The following ZNF326 variants were observed in gnomAD, a reference collection of about 807,000 sequenced individuals.
ZNF326 encodes zinc finger protein 326.
A neutral mutation model predicts 63.1 loss-of-function variants in ZNF326; 30 were observed. The observed-to-expected ratio is 0.48, with a 90% confidence interval of 0.36 to 0.64. ZNF326 has a LOEUF of 0.64. Ranked by LOEUF, ZNF326 falls within the 30% of genes least tolerant of loss-of-function variation. ZNF326 has a pLI of 0.00. For missense variants in ZNF326, 609 were observed against 720.3 expected (o/e 0.85, Z 1.77); for synonymous variants, 194 against 228.2 (o/e 0.85, Z 1.35).
At chr1:90,022,471 C>T (rs554073815) in intron 11 of ZNF326, 126 bp downstream of exon 11, 2 of 704,094 alleles carry the variant, frequency 2.8e-6, no homozygotes, top group East Asian at 2.7e-5. Flanking sequence ...TACTCAGTAT[C>T]TTGCATATAG....
At position 90,033,009 on chromosome 1, in the gene ZNF326, CTG is replaced by C. The variant is rs1401844838; in HGVS notation, c.*5310_*5311del. On this transcript the variant is annotated 3_prime_UTR_variant, in exon 12 of 12. Transcript: ENST00000340281. Reference sequence around the variant, plus strand: ...GTCTATTTCCCAATTTTCCTTCTGACTGTTCCTTTCTCCTTCCTCACACAATT... The same window carrying C: ...GTCTATTTCCCAATTTTCCTTCTGACTTCCTTTCTCCTTCCTCACACAATT... 2 of 152,310 alleles carry C rather than the reference CTG, an allele frequency of 1.3e-5. No individual in the cohort carries two copies. Among genetic ancestry groups the C allele is most frequent in the Non-Finnish European group, 2.9e-5 (2 of 68,014 alleles). 9.4% of individuals were successfully genotyped at this position (152,310 alleles called of 1,614,324 possible).
chr1:89,995,354 A>G, intron 1 of ZNF326, 81 bp downstream of exon 1: 1 of 1,491,058 alleles, frequency 6.7e-7, no homozygotes, highest in South Asian at 1.3e-5. Flanking sequence ...CCGTCTCAAG[A>G]TGGCCGTGTG....
intron 11 of ZNF326, among the ~76,000 whole-genome samples, chr1:90,026,020 G>C (rs566921100): frequency 2.7e-4 from 41 of 150,228 alleles, no homozygotes; most frequent in Non-Finnish European, 5.6e-4. Context: ...AGGCCATGCA[G>C]TGGCGCGATC....
Position 90,010,263 on chromosome 1 carries a change from A to C in ZNF326, c.791A>C (p.Lys264Thr). Reference protein sequence around the residue: ...KKPKLAKPMEKISLSKSPTKT... With the variant: ...KKPKLAKPMETISLSKSPTKT... ...CCCAAACTAGCAAAACCTATGGAGA[A>C]GATAAGCCTCAGCAAATCACCCAGT... is the stretch of plus-strand genomic sequence containing the variant. The change falls in exon 6 of 12, where the codon AAG becomes ACG. Residue 264 changes from lysine (K) to threonine (T), a missense_variant. Transcript: ENST00000340281. The C allele has an allele frequency of 6.2e-7, 1 of 1,613,800 alleles. No individual in the cohort carries two copies. Among genetic ancestry groups the C allele is most frequent in the Non-Finnish European group, 8.5e-7 (1 of 1,179,794 alleles).
rs866008598 is a variant in ZNF326 at position 89,995,266 on chromosome 1, C to T, written c.9C>T (p.Phe3=). The T allele has an allele frequency of 1.3e-6, 2 of 1,555,958 alleles. No individual in the cohort carries two copies. Among genetic ancestry groups the T allele is most frequent in the Non-Finnish European group, 1.7e-6 (2 of 1,152,836 alleles). Residue 3 remains phenylalanine (F), a synonymous_variant, in exon 1 of 12, where the codon TTC becomes TTT. Transcript: ENST00000340281. ...GGCCCTCAGCCTCTGCCATGGACTT[C>T]GAGGACGGTAAGCGCTGCCTCTGGC... is the stretch of plus-strand genomic sequence containing the variant. The part of the protein sequence containing the change: MD[F]EDDYTHSACR...
intron 11 of ZNF326, among the ~76,000 whole-genome samples, chr1:90,023,140 T>C (rs1649854825): frequency 6.6e-6 from 1 of 152,224 alleles, no homozygotes; most frequent in African/African-American, 2.4e-5. Context: ...CTTACTGTGA[T>C]TTGGGAATAA....
At position 90,033,267 on chromosome 1, in the gene ZNF326, AG is replaced by A. The variant is rs1376058410; in HGVS notation, c.*5567del. On this transcript the variant is annotated 3_prime_UTR_variant, in exon 12 of 12. Transcript: ENST00000340281. The stretch of plus-strand genomic sequence containing the variant: ...CTTAAAGCCTACCCTTTATATAAAA[AG>A]TTTGTTGACTCCTAGGCTCTCATTT... The A allele has an allele frequency of 5.3e-5, 8 of 152,180 alleles. No individual in the cohort carries two copies. The highest frequency in any genetic ancestry group is 5.2e-4 in the Admixed American group (8 of 15,266). The allele number at this position is 152,180 out of a possible 1,614,324, so 9.4% of individuals were successfully genotyped here.
At position 90,027,659 on chromosome 1, in the gene ZNF326, A is replaced by G. The variant is rs749803574; in HGVS notation, c.1707A>G (p.Glu569=). The part of the protein sequence containing the change: ...VEELEEETAK[E]EPADFPVEQP... ...AATTAGAGGAAGAGACAGCAAAGGA[A>G]GAACCTGCTGACTTCCCTGTTGAGC... is the stretch of plus-strand genomic sequence containing the variant. Residue 569 remains glutamate, a synonymous_variant, in exon 12 of 12, where the codon GAA becomes GAG. Transcript: ENST00000340281. 4.3e-6 allele frequency: 7 copies of G among 1,614,088 alleles called. 1 individual carries two copies. The South Asian group carries it at 4.4e-5, about 10-fold the overall frequency.
chr1:90,027,260 T>A (rs1650053023), intron 11 of ZNF326, 94 bp from the exon 12 acceptor site: 1 of 1,200,762 alleles, frequency 8.3e-7, no homozygotes, highest in East Asian at 2.3e-5. Context: ...CAAAATGGCA[T>A]TTATTTCTCA....
At chr1:89,995,318 G>A (rs1198881334) in intron 1 of ZNF326, 45 bp downstream of exon 1, 3 of 1,531,238 alleles carry the variant, frequency 2.0e-6, no homozygotes, top group Admixed American at 4.1e-5. Context: ...CAGGAGGCGG[G>A]GTGGCCTACG....
At chr1:90,005,320 G>T in intron 4 of ZNF326, 76 bp downstream of exon 4, 1 of 1,534,458 alleles carries the variant, frequency 6.5e-7, no homozygotes, top group Non-Finnish European at 8.7e-7. Context: ...GTACTCTTTA[G>T]GCATGTTATG....
intron 5 of ZNF326, among the ~76,000 whole-genome samples, chr1:90,008,234 G>T (rs1328903977): frequency 6.6e-6 from 1 of 152,238 alleles, no homozygotes; most frequent in Non-Finnish European, 1.5e-5. Flanking sequence ...GTTGATGATA[G>T]ATCAGGATAG....
In ZNF326 at chr1:90,006,043, T is replaced by C. The variant is rs1409101856; in HGVS notation, c.209+799T>C. 5 of 985,336 alleles carry C rather than the reference T, an allele frequency of 5.1e-6. No individual in the cohort carries two copies. The African/African-American group carries it at 8.7e-5, about 17-fold the overall frequency. 61.0% of individuals were successfully genotyped at this position (985,336 alleles called of 1,614,324 possible). ...TATAAGTAAAACTAGTTAGTAGACA[T>C]GTGAAACAGTCATCCTTCTGCATAA... On this transcript the variant is annotated intron_variant, in intron 4 of 11. Transcript: ENST00000340281.
At chr1:90,011,299 C>T (rs1649219690) in intron 6 of ZNF326, among the ~76,000 whole-genome samples, 3 of 152,052 alleles carry the variant, frequency 2.0e-5, no homozygotes, top group South Asian at 2.1e-4. Context: ...CAAGGTCTTG[C>T]TATGCTATAG....
intron 5 of ZNF326, among the ~76,000 whole-genome samples, chr1:90,008,499 G>A (rs2101065471): frequency 6.6e-6 from 1 of 152,252 alleles, no homozygotes; most frequent in Non-Finnish European, 1.5e-5. Context: ...AGTTGTTTAA[G>A]TTTAGGGTAC....
At chr1:90,017,829 A>G (rs1225277250) in intron 8 of ZNF326, among the ~76,000 whole-genome samples, 4 of 152,214 alleles carry the variant, frequency 2.6e-5, no homozygotes, top group African/African-American at 9.7e-5. Flanking sequence ...CAGAGCAGTT[A>G]AATGACTGTT....
intron 11 of ZNF326, among the ~76,000 whole-genome samples, chr1:90,026,667 G>T (rs987919302): frequency 1.3e-5 from 2 of 152,082 alleles, no homozygotes; most frequent in Non-Finnish European, 2.9e-5. Flanking sequence ...TTGGTTCTCT[G>T]CTTCATCCTA....
intron 6 of ZNF326, 86 bp from the exon 7 acceptor site, chr1:90,013,040 A>G (rs1422880173): frequency 1.8e-6 from 2 of 1,140,432 alleles, no homozygotes; most frequent in East Asian, 2.7e-5. Flanking sequence ...AGTATACCTC[A>G]TAAGTATGTA....
At chr1:90,019,585 C>G (rs1423972199) in intron 9 of ZNF326, among the ~76,000 whole-genome samples, 1 of 152,036 alleles carries the variant, frequency 6.6e-6, no homozygotes, top group East Asian at 1.9e-4. Flanking sequence ...CTCTGCCACT[C>G]TTTTAGAATT....
Sources: gnomAD v4.1 joint callset for allele counts (sites outside exome capture counted in the v4.1 genomes callset) on GRCh38, gnomAD v4.1.1 for gene constraint, MANE v1.5 for transcripts, NCBI Gene and HGNC (gene_info 2026-07-23, HGNC 2026-07-21) for gene names.